The following PCDHA12 variants were observed in gnomAD, a reference collection of about 807,000 sequenced individuals.
The protein encoded by PCDHA12 is protocadherin alpha-12.
Under a neutral mutation model 60.0 loss-of-function variants are expected in PCDHA12, and 44 were observed. The ratio of observed to expected loss-of-function variants is 0.73; its 90% confidence interval spans 0.58 to 0.94. The LOEUF (loss-of-function observed/expected upper bound fraction) is 0.94, where lower values mean the gene tolerates loss of function less well. Among genes scored for constraint, PCDHA12 ranks in the 40% least tolerant of loss-of-function variants. The pLI is 0.00. For synonymous variants in PCDHA12, 569 were observed against 553.0 expected, an observed-to-expected ratio of 1.03 and a Z score of -0.40; for missense variants, 1,276 against 1,239.7, an observed-to-expected ratio of 1.03 and a Z score of -0.44.
intron 1 of PCDHA12, among the ~76,000 whole-genome samples, chr5:140,961,280 C>T (rs246003): frequency 7.2e-5 from 11 of 152,104 alleles, no homozygotes; most frequent in Non-Finnish European, 1.0e-4. Flanking sequence ...TACCATGGCT[C>T]TGTTTCTTGA....
intron 1 of PCDHA12, among the ~76,000 whole-genome samples, chr5:140,949,318 T>C (rs1554218908): frequency 6.6e-6 from 1 of 151,876 alleles, no homozygotes; most frequent in African/African-American, 2.4e-5. Flanking sequence ...GATTTATAAA[T>C]ATAAATTATT....
chr5:140,941,198 T>TC (rs1563184066), intron 1 of PCDHA12, among the ~76,000 whole-genome samples: 3 of 119,812 alleles, frequency 2.5e-5, no homozygotes, highest in African/African-American at 1.0e-4. Flanking sequence ...TTTTTTTCTT[T>TC]CTTCCTTTCT....
chr5:140,882,330 T>C (rs1554173536), intron 1 of PCDHA12: 26 of 1,614,056 alleles, frequency 1.6e-5, no homozygotes, highest in Non-Finnish European at 2.1e-5. Context: ...CTTCTGATCC[T>C]CGCAGCCTGG....
chr5:140,968,741 A>T, intron 1 of PCDHA12: 1 of 1,614,106 alleles, frequency 6.2e-7, no homozygotes, highest in Non-Finnish European at 8.5e-7. Context: ...TTTCAACCTG[A>T]CCGTGGTGGT....
In PCDHA12 at chr5:140,875,580, C is replaced by T. The variant is rs1381718234; in HGVS notation, c.108C>T (p.Tyr36=). ...VGSGQLHYSV[Y]EEAKHGTFVG... is the part of the protein sequence containing the mutation. ...GCGGCCAGCTCCACTACTCCGTCTA[C>T]GAGGAGGCCAAACACGGCACCTTCG... The change falls in exon 1 of 4, where the codon TAC becomes TAT. Residue 36 remains tyrosine (Y), a synonymous_variant. Coordinates refer to ENST00000398631, the MANE Select transcript of PCDHA12 (RefSeq NM_018903.4). 1.2e-6 allele frequency: 2 copies of T among 1,614,076 alleles called. No homozygotes were observed. Among genetic ancestry groups the T allele is most frequent in the East Asian group, 2.2e-5 (1 of 44,886 alleles).
At chr5:140,922,254 T>G (rs2080741873) in intron 1 of PCDHA12, among the ~76,000 whole-genome samples, 1 of 152,228 alleles carries the variant, frequency 6.6e-6, no homozygotes, top group East Asian at 1.9e-4. Context: ...GATAAGTTAC[T>G]AAGTGCCATG....
chr5:140,967,854 C>T (rs782783470), intron 1 of PCDHA12: 1 of 1,614,154 alleles, frequency 6.2e-7, no homozygotes, highest in South Asian at 1.1e-5. Flanking sequence ...GACAATGCCC[C>T]AGAGGTGGTG....
Position 140,928,606 on chromosome 5 carries a change from C to T in PCDHA12, c.2368-50343C>T, listed in dbSNP as rs782809256. ...TTCTGTCCCAGTGGAAATTGTGCCC[C>T]GCTCTGCCAGGACTGGACACTTGGT... On this transcript the variant is annotated intron_variant, in intron 1 of 3. Coordinates refer to ENST00000398631, the MANE Select transcript of PCDHA12 (RefSeq NM_018903.4). 7.4e-6 allele frequency: 12 copies of T among 1,614,204 alleles called. No homozygotes were observed. In the South Asian group the frequency reaches 1.2e-4, roughly 16 times the overall value.
intron 1 of PCDHA12, among the ~76,000 whole-genome samples, chr5:140,895,468 CCT>C (rs2065019844): frequency 6.6e-6 from 1 of 152,130 alleles, no homozygotes; most frequent in Non-Finnish European, 1.5e-5. Flanking sequence ...ATTTCTTTAT[CCT>C]CTTCGGAGAA....
At chr5:140,941,255 C>CTTTCTTTCTTTCTTTCTT (rs782490896) in intron 1 of PCDHA12, among the ~76,000 whole-genome samples, 39 of 44,506 alleles carry the variant, frequency 8.8e-4, no homozygotes, top group Middle Eastern at 0.012. Flanking sequence ...TTCTTTCTTT[C>CTTTCTTTCTTTCTTTCTT]TCTTTCTTTC....
chr5:140,979,303 C>T (rs1048294748), intron 2 of PCDHA12, among the ~76,000 whole-genome samples: 5 of 152,148 alleles, frequency 3.3e-5, no homozygotes, highest in East Asian at 3.8e-4. Context: ...CTCCTTCATC[C>T]CTCTCTACCT....
At chr5:140,907,995 C>T (rs1441720086) in intron 1 of PCDHA12, among the ~76,000 whole-genome samples, 9 of 152,166 alleles carry the variant, frequency 5.9e-5, no homozygotes, top group African/African-American at 1.9e-4. Flanking sequence ...AGTCCTTAAC[C>T]ATCCAGCCAA....
chr5:140,954,184 T>C (rs2094994216), intron 1 of PCDHA12, among the ~76,000 whole-genome samples: 1 of 152,236 alleles, frequency 6.6e-6, no homozygotes, highest in Non-Finnish European at 1.5e-5. Flanking sequence ...CAGTCTATCA[T>C]TGATGGGCAT....
At chr5:140,941,195 C>T (rs1337267572) in intron 1 of PCDHA12, among the ~76,000 whole-genome samples, 39 of 106,424 alleles carry the variant, frequency 3.7e-4, no homozygotes, top group Non-Finnish European at 4.9e-4. Context: ...CTTTTTTTTT[C>T]TTTCTTCCTT....
intron 1 of PCDHA12, among the ~76,000 whole-genome samples, chr5:140,915,929 C>A (rs1554197194): frequency 1.3e-5 from 2 of 152,144 alleles, no homozygotes; most frequent in African/African-American, 4.8e-5. Context: ...ACTTGGGAGT[C>A]AGGGATTGGA....
intron 1 of PCDHA12, among the ~76,000 whole-genome samples, chr5:140,955,756 A>G (rs987029779): frequency 2.6e-5 from 4 of 152,182 alleles, no homozygotes; most frequent in African/African-American, 9.7e-5. Flanking sequence ...TATTGCCATA[A>G]CACTGATTCT....
At chr5:140,944,051 C>G (rs1383787401) in intron 1 of PCDHA12, among the ~76,000 whole-genome samples, 1 of 152,086 alleles carries the variant, frequency 6.6e-6, no homozygotes, top group East Asian at 1.9e-4. Context: ...GATTGGGATA[C>G]AAAAAGGTTT....
chr5:140,952,406 T>G (rs2094740405), intron 1 of PCDHA12, among the ~76,000 whole-genome samples: 1 of 151,900 alleles, frequency 6.6e-6, no homozygotes, highest in Admixed American at 6.6e-5. Flanking sequence ...ATTCTCAAAT[T>G]TAATGTTCCG....
At chr5:141,003,094 A>G (rs2098111645) in intron 3 of PCDHA12, among the ~76,000 whole-genome samples, 1 of 152,230 alleles carries the variant, frequency 6.6e-6, no homozygotes, top group African/African-American at 2.4e-5. Flanking sequence ...CAGGCCTGGC[A>G]TTTGCTTCAC....
Sources: allele counts gnomAD v4.1 joint callset (sites outside exome capture counted in the v4.1 genomes callset), GRCh38; gene constraint gnomAD v4.1.1; transcripts MANE v1.5; gene names NCBI Gene and HGNC (gene_info 2026-07-23, HGNC 2026-07-21).